PDGFD: variants seen among roughly 807,000 people sequenced by gnomAD.
PDGFD encodes the protein platelet-derived growth factor D.
PDGFD carries 30 observed loss-of-function variants against 44.7 expected under a neutral mutation model. The ratio of observed to expected loss-of-function variants is 0.67; its 90% CI spans 0.50 to 0.91. PDGFD has a LOEUF of 0.91. Ranked by LOEUF, PDGFD falls within the 40% of genes least tolerant of loss-of-function variation. The pLI is 0.00. For synonymous variants in PDGFD, 173 were observed against 168.4 expected (o/e 1.03, Z -0.21); for missense variants, 445 against 457.8 (o/e 0.97, Z 0.25).
At chr11:103,962,500 A>G (rs1474392233) in intron 3 of PDGFD, among the ~76,000 whole-genome samples, 2 of 152,158 alleles carry the variant, frequency 1.3e-5, no homozygotes, top group South Asian at 2.1e-4. Flanking sequence ...ATCTCTGAGT[A>G]CAAACAAAAT....
intron 3 of PDGFD, among the ~76,000 whole-genome samples, chr11:103,959,979 C>G (rs1398910356): frequency 6.6e-6 from 1 of 152,150 alleles, no homozygotes; most frequent in Non-Finnish European, 1.5e-5. Flanking sequence ...CATCAGTTAA[C>G]AGGAACATCT....
intron 1 of PDGFD, among the ~76,000 whole-genome samples, chr11:104,079,277 T>A (rs1291828442): frequency 6.6e-6 from 1 of 152,204 alleles, no homozygotes; most frequent in African/African-American, 2.4e-5. Context: ...CTTATGAAAA[T>A]GCAATAAGCC....
intron 1 of PDGFD, among the ~76,000 whole-genome samples, chr11:104,048,948 C>T (rs1860484307): frequency 6.6e-6 from 1 of 152,124 alleles, no homozygotes; most frequent in African/African-American, 2.4e-5. Context: ...CACTTTACAA[C>T]AAAAAACCTG....
intron 1 of PDGFD, among the ~76,000 whole-genome samples, chr11:104,102,986 A>G (rs1472311915): frequency 6.6e-6 from 1 of 152,212 alleles, no homozygotes; most frequent in East Asian, 1.9e-4. Context: ...TTAAATGACG[A>G]GTTAATGGGG....
chr11:103,964,113 G>T (rs1313466844), intron 3 of PDGFD, among the ~76,000 whole-genome samples: 2 of 152,214 alleles, frequency 1.3e-5, no homozygotes, highest in African/African-American at 2.4e-5. Context: ...CATGTGATTT[G>T]CTTTGACCAA....
intron 3 of PDGFD, among the ~76,000 whole-genome samples, chr11:103,969,530 T>C (rs1859073368): frequency 7.1e-6 from 1 of 140,338 alleles, no homozygotes; most frequent in Non-Finnish European, 1.5e-5. Context: ...ACCCTTAACA[T>C]GAATGTTAAA....
rs188610316 is a variant in PDGFD at position 103,931,395 on chromosome 11, C to A, written c.773-4269G>T. Among the ~76,000 whole-genome samples, 15 of 152,238 alleles carry A rather than the reference C, an allele frequency of 9.9e-5. No homozygotes were observed. In the East Asian group the frequency reaches 2.7e-3, roughly 27 times the overall value. ...ATAATTTACTGCTTGTTTTGGTCAA[C>A]AAGAGGATGGTTTCCTTGAGTCAGT... On this transcript the variant is annotated intron_variant, in intron 5 of 6. Transcript: ENST00000393158.
intron 3 of PDGFD, among the ~76,000 whole-genome samples, chr11:103,970,828 G>C (rs528345392): frequency 6.6e-6 from 1 of 152,208 alleles, no homozygotes; most frequent in African/African-American, 2.4e-5. Context: ...TAAGAGAAGA[G>C]AATATGTAGG....
chr11:104,146,999 T>C (rs1399811503), intron 1 of PDGFD, among the ~76,000 whole-genome samples: 3 of 130,952 alleles, frequency 2.3e-5, no homozygotes, highest in Non-Finnish European at 3.3e-5. Context: ...CACCGGGGCA[T>C]ACTAAAAAAA....
At chr11:103,930,500 A>G (rs1170308692) in intron 5 of PDGFD, among the ~76,000 whole-genome samples, 1 of 152,012 alleles carries the variant, frequency 6.6e-6, no homozygotes, top group Admixed American at 6.6e-5. Flanking sequence ...ATTACATACA[A>G]TCATTACTCT....
chr11:103,949,413 G>A (rs1235115304), intron 3 of PDGFD, among the ~76,000 whole-genome samples: 1 of 152,190 alleles, frequency 6.6e-6, no homozygotes, highest in Non-Finnish European at 1.5e-5. Flanking sequence ...CCCACAGCGG[G>A]AAGATGTGTA....
intron 3 of PDGFD, among the ~76,000 whole-genome samples, chr11:103,989,021 CTTA>C (rs959035909): frequency 2.0e-5 from 3 of 151,940 alleles, no homozygotes; most frequent in South Asian, 2.1e-4. Flanking sequence ...TATTATTCAT[CTTA>C]TTATTATTAT....
At chr11:103,955,327 G>A (rs1858826851) in intron 3 of PDGFD, among the ~76,000 whole-genome samples, 1 of 152,048 alleles carries the variant, frequency 6.6e-6, no homozygotes, top group African/African-American at 2.4e-5. Context: ...CAAACTTGGA[G>A]GCCTGTGTCC....
chr11:103,987,598 T>C (rs934019325), intron 3 of PDGFD, among the ~76,000 whole-genome samples: 11 of 152,198 alleles, frequency 7.2e-5, no homozygotes, highest in African/African-American at 2.7e-4. Flanking sequence ...AAGTTCTCCA[T>C]TCTAGTTTTA....
chr11:103,983,432 A>C (rs1859303981), intron 3 of PDGFD, among the ~76,000 whole-genome samples: 1 of 150,530 alleles, frequency 6.6e-6, no homozygotes, highest in East Asian at 1.9e-4. Context: ...CGATGGATTA[A>C]TGACTAAAAT....
At chr11:104,047,933 T>C (rs1443365611) in intron 1 of PDGFD, among the ~76,000 whole-genome samples, 1 of 152,146 alleles carries the variant, frequency 6.6e-6, no homozygotes, top group Non-Finnish European at 1.5e-5. Context: ...ATGATTATAG[T>C]ACATAGCTAA....
At chr11:104,112,103 A>G (rs534683656) in intron 1 of PDGFD, among the ~76,000 whole-genome samples, 1 of 152,326 alleles carries the variant, frequency 6.6e-6, no homozygotes, top group East Asian at 1.9e-4. Flanking sequence ...GATACTTATT[A>G]TATTTCCTAA....
At chr11:103,971,879 T>C (rs974831391) in intron 3 of PDGFD, among the ~76,000 whole-genome samples, 3 of 152,208 alleles carry the variant, frequency 2.0e-5, no homozygotes, top group Non-Finnish European at 4.4e-5. Context: ...TCGGGAATAC[T>C]CACCACATGA....
At chr11:104,057,665 T>C (rs1320784050) in intron 1 of PDGFD, among the ~76,000 whole-genome samples, 1 of 152,102 alleles carries the variant, frequency 6.6e-6, no homozygotes, top group Non-Finnish European at 1.5e-5. Context: ...ATGTACCCCC[T>C]GAATCTAAAA....
Sources: gnomAD v4.1 joint callset for allele counts (sites outside exome capture counted in the v4.1 genomes callset) on GRCh38, gnomAD v4.1.1 for gene constraint, MANE v1.5 for transcripts, NCBI Gene and HGNC (gene_info 2026-07-23, HGNC 2026-07-21) for gene names.